Variants in RANBP2 observed in about 807,000 individuals in gnomAD.
The protein encoded by RANBP2 is E3 SUMO-protein ligase RanBP2.
In RANBP2, 57 loss-of-function variants were observed where a neutral mutation model predicts 303.6. That is an observed-to-expected ratio of 0.19 (90% CI 0.15 to 0.23). The LOEUF (loss-of-function observed/expected upper bound fraction) is 0.23. Ranked by LOEUF, RANBP2 falls within the 10% of genes least tolerant of loss-of-function variation. The pLI is 1.00. For missense variants in RANBP2, 3,138 were observed against 3,780.8 expected (o/e 0.83, Z 4.46); for synonymous variants, 1,167 against 1,301.5 (o/e 0.90, Z 2.23).
the RANBP2 span, among the ~76,000 whole-genome samples, chr2:109,527,817 A>C: frequency 2.0e-3 from 309 of 152,330 alleles, 2 homozygotes; most frequent in African/African-American, 6.2e-3. Flanking sequence ...CTGATTCCCT[A>C]TGAAGATCCT....
chr2:108,748,798 G>T (rs1281800792), intron 8 of RANBP2, 122 bp from the exon 9 acceptor site: 3 of 1,576,736 alleles, frequency 1.9e-6, no homozygotes, highest in African/African-American at 2.7e-5. Flanking sequence ...GTATTTTTTG[G>T]GTTGGAGGGT....
At chr2:109,579,142 T>G in the RANBP2 span, among the ~76,000 whole-genome samples, 1 of 152,192 alleles carries the variant, frequency 6.6e-6, no homozygotes, top group Admixed American at 6.5e-5. Flanking sequence ...AAGAGTACAT[T>G]ATCAATATAT....
chr2:109,547,813 G>A, the RANBP2 span, among the ~76,000 whole-genome samples: 2 of 152,122 alleles, frequency 1.3e-5, no homozygotes, highest in South Asian at 2.1e-4. Context: ...GTAAGCACTC[G>A]ATAAATATTA....
chr2:108,862,077 G>GTTTTTTTTTT, the RANBP2 span, among the ~76,000 whole-genome samples: 2 of 141,386 alleles, frequency 1.4e-5, no homozygotes, highest in Non-Finnish European at 1.5e-5. Flanking sequence ...TATGATTTCA[G>GTTTTTTTTTT]TTTTTTTTTT....
the RANBP2 span, among the ~76,000 whole-genome samples, chr2:109,671,828 G>A: frequency 6.6e-6 from 1 of 152,020 alleles, no homozygotes; most frequent in African/African-American, 2.4e-5. Flanking sequence ...GATGGTCTTG[G>A]ACTTTTTCAA....
chr2:109,071,718 G>C, the RANBP2 span, among the ~76,000 whole-genome samples: 1 of 152,108 alleles, frequency 6.6e-6, no homozygotes, highest in African/African-American at 2.4e-5. Flanking sequence ...TTGGCAGTTG[G>C]ATAACAGTCT....
At chr2:109,089,598 C>T in the RANBP2 span, among the ~76,000 whole-genome samples, 1 of 152,016 alleles carries the variant, frequency 6.6e-6, no homozygotes, top group Non-Finnish European at 1.5e-5. Flanking sequence ...AGAGCAAGAC[C>T]TTGTCTCTAA....
chr2:109,724,252 C>T, the RANBP2 span, among the ~76,000 whole-genome samples: 1 of 152,246 alleles, frequency 6.6e-6, no homozygotes, highest in East Asian at 1.9e-4. Flanking sequence ...GCTTCTCAGG[C>T]TCCTTTTTGG....
At chr2:109,602,510 T>C in the RANBP2 span, among the ~76,000 whole-genome samples, 1 of 152,010 alleles carries the variant, frequency 6.6e-6, no homozygotes, top group African/African-American at 2.4e-5. Context: ...ACCCCATCTC[T>C]ACTAAAAGTA....
the RANBP2 span, among the ~76,000 whole-genome samples, chr2:109,021,718 ACCAGGTCC>A: frequency 6.7e-6 from 1 of 149,560 alleles, no homozygotes; most frequent in Non-Finnish European, 1.5e-5. Context: ...TGTGTCCATT[ACCAGGTCC>A]CCAGGGCCAC....
chr2:109,687,049 C>G, the RANBP2 span, among the ~76,000 whole-genome samples: 1 of 152,160 alleles, frequency 6.6e-6, no homozygotes, highest in Non-Finnish European at 1.5e-5. Context: ...CTCATAGTCC[C>G]ATAAATGTTT....
At chr2:109,365,051 A>AAAAC in the RANBP2 span, among the ~76,000 whole-genome samples, 21,960 of 151,534 alleles carry the variant, frequency 0.14, 1,637 homozygotes, top group Non-Finnish European at 0.18. Flanking sequence ...ACACACATAT[A>AAAAC]AAACAAACAA....
At chr2:108,834,807 A>C in the RANBP2 span, among the ~76,000 whole-genome samples, 1 of 152,248 alleles carries the variant, frequency 6.6e-6, no homozygotes, top group Admixed American at 6.5e-5. Flanking sequence ...TTCTATCTCT[A>C]TGAATTTGCA....
the RANBP2 span, among the ~76,000 whole-genome samples, chr2:108,908,808 A>T: frequency 4.8e-3 from 728 of 152,280 alleles, 7 homozygotes; most frequent in South Asian, 0.023. Context: ...AAAGGATTAT[A>T]TTTGTTAGTA....
the RANBP2 span, among the ~76,000 whole-genome samples, chr2:109,173,424 C>T: frequency 6.6e-6 from 1 of 152,116 alleles, no homozygotes; most frequent in South Asian, 2.1e-4. Context: ...TGGAAGAATT[C>T]GGATAAATGA....
chr2:109,538,370 T>C, the RANBP2 span, among the ~76,000 whole-genome samples: 1 of 152,202 alleles, frequency 6.6e-6, no homozygotes, highest in South Asian at 2.1e-4. Flanking sequence ...GGGGAACATA[T>C]TCCCAGGTCC....
chr2:108,794,941 T>A, the RANBP2 span, among the ~76,000 whole-genome samples: 1 of 152,190 alleles, frequency 6.6e-6, no homozygotes, highest in Non-Finnish European at 1.5e-5. Flanking sequence ...TGTAGGTGTG[T>A]GTTTCAGACT....
chr2:108,832,344 CTTT>C, the RANBP2 span, among the ~76,000 whole-genome samples: 2 of 122,208 alleles, frequency 1.6e-5, no homozygotes, highest in Admixed American at 8.4e-5. Flanking sequence ...GTATTTCTTT[CTTT>C]TTTTTTTTTT....
At chr2:109,684,962 C>G in the RANBP2 span, among the ~76,000 whole-genome samples, 2 of 152,116 alleles carry the variant, frequency 1.3e-5, no homozygotes, top group Non-Finnish European at 2.9e-5. Flanking sequence ...CAGTCTGCAT[C>G]TCCCAAGTTC....
Sources: gnomAD v4.1 joint callset for allele counts (sites outside exome capture counted in the v4.1 genomes callset) on GRCh38, gnomAD v4.1.1 for gene constraint, MANE v1.5 for transcripts, NCBI Gene and HGNC (gene_info 2026-07-23, HGNC 2026-07-21) for gene names.